The following HTRA1 variants were observed in gnomAD, a reference collection of about 807,000 sequenced individuals.
The protein encoded by HTRA1 is HtrA serine peptidase 1, also known as serine protease HTRA1.
HTRA1 carries 26 observed loss-of-function variants against 49.7 expected under a neutral mutation model. The ratio of observed to expected loss-of-function variants is 0.52; its 90% CI spans 0.38 to 0.73. The LOEUF (loss-of-function observed/expected upper bound fraction) is 0.73. Among genes scored for constraint, HTRA1 ranks in the 30% least tolerant of loss-of-function variants. HTRA1 has a pLI of 0.00. For missense variants in HTRA1, 561 were observed against 667.2 expected, an observed-to-expected ratio of 0.84 and a Z score of 1.75; for synonymous variants, 291 against 286.9, an observed-to-expected ratio of 1.01 and a Z score of -0.14.
chr10:122,514,539 G>A lies in HTRA1; in HGVS notation c.*180G>A. 1.5e-6 allele frequency: 1 copy of A among 654,136 alleles called. No homozygotes were observed. The highest frequency in any genetic ancestry group is 2.7e-6 in the Non-Finnish European group (1 of 365,220). The allele number at this position is 654,136 out of a possible 1,614,324, so 40.5% of individuals were successfully genotyped here. ...AGTTTGCAGGCAAAACAAATGTAAT[G>A]TTGCAGATCCGCAGGCAGAAGCTCT... On this transcript the variant is annotated 3_prime_UTR_variant, in exon 9 of 9. Transcript: ENST00000368984.
intron 3 of HTRA1, among the ~76,000 whole-genome samples, chr10:122,501,280 T>C (rs981033538): frequency 3.9e-5 from 6 of 152,194 alleles, no homozygotes; most frequent in Non-Finnish European, 8.8e-5. Context: ...TCCCATCACC[T>C]GAACCTGCCT....
At chr10:122,513,534 G>A (rs2097506540) in intron 8 of HTRA1, among the ~76,000 whole-genome samples, 1 of 145,284 alleles carries the variant, frequency 6.9e-6, no homozygotes, top group Admixed American at 7.2e-5. Context: ...CCTGGCACAT[G>A]CATGTAATCC....
In HTRA1 at chr10:122,471,420, G is replaced by A. The variant is rs111899831; in HGVS notation, c.472+9296G>A. Among the ~76,000 whole-genome samples the A allele has an allele frequency of 8.2e-3, 1,246 of 152,252 alleles. 17 individuals carry two copies. Among genetic ancestry groups the A allele is most frequent in the African/African-American group, 0.029 (1,184 of 41,542 alleles). ...ATTCTCATCATTGGCCAAACATATA[G>A]TCCTTCTGTCCTCTGAAAAATATCA... On this transcript the variant is annotated intron_variant, in intron 1 of 8. Transcript: ENST00000368984.
intron 4 of HTRA1, 39 bp from the exon 5 acceptor site, chr10:122,507,331 G>T: frequency 6.3e-7 from 1 of 1,584,672 alleles, no homozygotes; most frequent in South Asian, 1.1e-5. Context: ...ACCATGTTAT[G>T]ACACGATTTG....
At chr10:122,495,187 G>A (rs1175908079) in intron 3 of HTRA1, among the ~76,000 whole-genome samples, 2 of 152,204 alleles carry the variant, frequency 1.3e-5, no homozygotes, top group East Asian at 3.8e-4. Context: ...TGGGAGCCTG[G>A]AATGCACATC....
intron 3 of HTRA1, among the ~76,000 whole-genome samples, chr10:122,503,587 G>A (rs986277851): frequency 1.3e-5 from 2 of 152,198 alleles, no homozygotes; most frequent in African/African-American, 4.8e-5. Flanking sequence ...CTGGGCGTGT[G>A]GGTCTGACAG....
intron 1 of HTRA1, among the ~76,000 whole-genome samples, chr10:122,471,591 A>C (rs965041525): frequency 2.0e-5 from 3 of 152,208 alleles, no homozygotes; most frequent in Non-Finnish European, 4.4e-5. Context: ...ACAGAATCCC[A>C]GAGTATGAAA....
At chr10:122,465,320 A>G (rs2097483353) in intron 1 of HTRA1, among the ~76,000 whole-genome samples, 1 of 152,220 alleles carries the variant, frequency 6.6e-6, no homozygotes, top group South Asian at 2.1e-4. Flanking sequence ...TTGAAATACT[A>G]ATAGGGTACT....
intron 1 of HTRA1, among the ~76,000 whole-genome samples, chr10:122,462,957 C>T: frequency 6.6e-6 from 1 of 152,266 alleles, no homozygotes. Context: ...CAATGTCTAA[C>T]TCTCTCGCGG....
Position 122,487,311 on chromosome 10 carries a change from G to T in HTRA1, c.473-1591G>T, listed in dbSNP as rs879707132. 2.0e-5 allele frequency among the ~76,000 whole-genome samples: 3 copies of T among 152,132 alleles called. No homozygotes were observed. The highest frequency in any genetic ancestry group is 4.4e-5 in the Non-Finnish European group (3 of 68,030). Reference sequence around the variant, plus strand: ...CTCCAGCCTGCTTTAGCAGAGACTTGTTAAGAGGTAGCAGCAGGTGGCAAG... The same window carrying T: ...CTCCAGCCTGCTTTAGCAGAGACTTTTTAAGAGGTAGCAGCAGGTGGCAAG... On this transcript the variant is annotated intron_variant, in intron 1 of 8. Transcript: ENST00000368984. The surrounding 1 kb of genome is among the most constrained non-coding windows in gnomAD (Gnocchi z 4.8).
chr10:122,462,773 A>G (rs1203788858), intron 1 of HTRA1, among the ~76,000 whole-genome samples: 1 of 152,222 alleles, frequency 6.6e-6, no homozygotes, highest in Non-Finnish European at 1.5e-5. Context: ...TACAAAAATG[A>G]AAGTGGCTCC....
chr10:122,499,325 A>G (rs543848560), intron 3 of HTRA1, among the ~76,000 whole-genome samples: 1 of 152,344 alleles, frequency 6.6e-6, no homozygotes, highest in African/African-American at 2.4e-5. Flanking sequence ...AACCACAGTA[A>G]TAACTAGCAA....
At chr10:122,510,937 G>T (rs1025774425) in intron 7 of HTRA1, among the ~76,000 whole-genome samples, 1 of 151,978 alleles carries the variant, frequency 6.6e-6, no homozygotes, top group Non-Finnish European at 1.5e-5. Flanking sequence ...CATTTGTCAA[G>T]GTTAAAGTGT....
rs938332689 is a variant in HTRA1 at position 122,485,634 on chromosome 10, G to C, written c.473-3268G>C. On this transcript the variant is annotated intron_variant, in intron 1 of 8. Transcript: ENST00000368984. ...CCTTGATCTCCCTTGTTGCTTTCCT[G>C]GTGGGAAGACCCTGGAACCACTTTA... 5.3e-5 allele frequency among the ~76,000 whole-genome samples: 8 copies of C among 152,158 alleles called. 1 individual carries two copies. The highest frequency in any genetic ancestry group is 1.9e-4 in the African/African-American group (8 of 41,436).
intron 1 of HTRA1, among the ~76,000 whole-genome samples, chr10:122,470,572 C>G (rs1469893977): frequency 6.6e-6 from 1 of 151,780 alleles, no homozygotes; most frequent in Non-Finnish European, 1.5e-5. Flanking sequence ...GCTAGGAATC[C>G]TAAAGCATTG....
intron 1 of HTRA1, among the ~76,000 whole-genome samples, chr10:122,472,657 A>C (rs975312086): frequency 1.3e-5 from 2 of 152,094 alleles, no homozygotes; most frequent in African/African-American, 4.8e-5. Context: ...AGCCTCCCAA[A>C]GTGTGGGGAT....
intron 1 of HTRA1, among the ~76,000 whole-genome samples, chr10:122,475,615 G>A (rs925552877): frequency 2.0e-5 from 3 of 152,298 alleles, no homozygotes; most frequent in Non-Finnish European, 4.4e-5. Context: ...TGCAGACAGC[G>A]GCCCTGATGG....
intron 3 of HTRA1, 111 bp downstream of exon 3, chr10:122,489,737 G>A (rs1465146957): frequency 1.0e-6 from 1 of 977,178 alleles, no homozygotes; most frequent in East Asian, 2.6e-5. Flanking sequence ...ACTGAAGCCA[G>A]TCTGAGCCAG....
intron 1 of HTRA1, among the ~76,000 whole-genome samples, chr10:122,484,613 C>T (rs1361484045): frequency 3.9e-5 from 6 of 152,186 alleles, no homozygotes; most frequent in East Asian, 1.9e-4. Context: ...AATTGTATGC[C>T]GTGGCTTGAT....
Sources: gnomAD v4.1 joint callset for allele counts (sites outside exome capture counted in the v4.1 genomes callset) on GRCh38, gnomAD v4.1.1 for gene constraint, Gnocchi (gnomAD v3.1) non-coding constraint, MANE v1.5 for transcripts, NCBI Gene and HGNC (gene_info 2026-07-23, HGNC 2026-07-21) for gene names.